NLGN1: variants seen among roughly 807,000 people sequenced by gnomAD.
The protein encoded by NLGN1 is neuroligin 1.
NLGN1 carries 12 observed loss-of-function variants against 65.5 expected under a neutral mutation model. That is an observed-to-expected ratio of 0.18 (90% CI 0.12 to 0.30). The LOEUF (loss-of-function observed/expected upper bound fraction) is 0.30. Among genes scored for constraint, NLGN1 ranks in the 10% least tolerant of loss-of-function variants. The pLI is 1.00. For synonymous variants in NLGN1, 350 were observed against 359.5 expected (o/e 0.97, Z 0.30); for missense variants, 750 against 1,007.1 (o/e 0.74, Z 3.46).
chr3:173,647,491 A>G (rs1455718857), intron 3 of NLGN1, among the ~76,000 whole-genome samples: 1 of 152,132 alleles, frequency 6.6e-6, no homozygotes, highest in African/African-American at 2.4e-5. Context: ...GTCATGCAAA[A>G]TGTGTTTTCT....
At chr3:173,742,331 T>C (rs1483107105) in intron 3 of NLGN1, among the ~76,000 whole-genome samples, 1 of 152,102 alleles carries the variant, frequency 6.6e-6, no homozygotes, top group Non-Finnish European at 1.5e-5. Context: ...TACTAGGTAA[T>C]AAATATGTAA....
At chr3:173,785,553 G>A (rs55842727) in intron 3 of NLGN1, among the ~76,000 whole-genome samples, 6,924 of 152,016 alleles carry the variant, frequency 0.046, 518 homozygotes, top group African/African-American at 0.16. Flanking sequence ...GTCAGTACTA[G>A]ATAAATTTTA....
intron 2 of NLGN1, among the ~76,000 whole-genome samples, chr3:173,508,908 C>G (rs1300493705): frequency 1.3e-5 from 2 of 152,158 alleles, no homozygotes; most frequent in Non-Finnish European, 2.9e-5. Flanking sequence ...AACCCCCTGA[C>G]TCCACTGCTC....
intron 3 of NLGN1, among the ~76,000 whole-genome samples, chr3:173,714,994 T>C (rs1769606604): frequency 6.6e-6 from 1 of 152,112 alleles, no homozygotes; most frequent in African/African-American, 2.4e-5. Flanking sequence ...AAAGAGCAGA[T>C]GGAAGGAGGC....
At chr3:174,268,279 T>C (rs1561434628) in intron 4 of NLGN1, among the ~76,000 whole-genome samples, 1 of 152,192 alleles carries the variant, frequency 6.6e-6, no homozygotes, top group East Asian at 1.9e-4. Context: ...CACAGGAACT[T>C]CGTGAACTTT....
intron 2 of NLGN1, among the ~76,000 whole-genome samples, chr3:173,443,299 G>A (rs958203349): frequency 1.1e-4 from 10 of 93,182 alleles, no homozygotes; most frequent in African/African-American, 3.3e-4. Flanking sequence ...TACTTTAATA[G>A]TATATATATT....
chr3:174,210,655 T>A lies in NLGN1; in HGVS notation c.647-64660T>A, dbSNP rs991814677. Among the ~76,000 whole-genome samples, 4 of 152,222 alleles carry A rather than the reference T, an allele frequency of 2.6e-5. No homozygotes were observed. In the East Asian group the frequency reaches 7.7e-4, roughly 29 times the overall value. ...TAGCTCCAAAGTCTTTCTACTGTTT[T>A]TCTTCTCCCTACCAGCTCTCACCTT... On this transcript the variant is annotated intron_variant, in intron 4 of 6. Coordinates refer to ENST00000457714, the Ensembl canonical transcript of NLGN1.
chr3:174,107,003 CACACACACACACACAGAG>C (rs1714001890), intron 4 of NLGN1, among the ~76,000 whole-genome samples: 1 of 117,000 alleles, frequency 8.5e-6, no homozygotes, highest in Non-Finnish European at 1.7e-5. Context: ...CACACACACA[CACACACACACACACAGAG>C]AGAGAGAGAG....
chr3:173,667,786 C>G (rs769237805), intron 3 of NLGN1, among the ~76,000 whole-genome samples: 2 of 152,178 alleles, frequency 1.3e-5, no homozygotes, highest in Non-Finnish European at 2.9e-5. Flanking sequence ...TGCACCACCA[C>G]GCCTGGCTCA....
intron 4 of NLGN1, among the ~76,000 whole-genome samples, chr3:174,090,521 C>G (rs74321051): frequency 0.033 from 4,960 of 151,964 alleles, 278 homozygotes; most frequent in African/African-American, 0.11. Context: ...GTTTATTGCT[C>G]CAGAAAGTCC....
chr3:174,200,243 C>T (rs1380523669), intron 4 of NLGN1, among the ~76,000 whole-genome samples: 2 of 152,138 alleles, frequency 1.3e-5, no homozygotes, highest in African/African-American at 4.8e-5. Context: ...AAGGTAACTG[C>T]TGTAAAGTTC....
At chr3:174,102,194 T>A (rs925642999) in intron 4 of NLGN1, among the ~76,000 whole-genome samples, 1 of 152,192 alleles carries the variant, frequency 6.6e-6, no homozygotes, top group Non-Finnish European at 1.5e-5. Context: ...TAGGTTGATA[T>A]GTAGTATAAA....
downstream of NLGN1, among the ~76,000 whole-genome samples, chr3:174,289,441 A>C (rs1243481757): frequency 2.0e-5 from 3 of 151,388 alleles, no homozygotes; most frequent in Non-Finnish European, 3.0e-5. Flanking sequence ...CACACACAGC[A>C]CAAAAGACAC....
At chr3:173,835,666 G>T (rs929548111) in intron 4 of NLGN1, among the ~76,000 whole-genome samples, 3 of 148,586 alleles carry the variant, frequency 2.0e-5, no homozygotes, top group Non-Finnish European at 4.5e-5. Context: ...ATAACATTTG[G>T]GTACAACAGG....
At chr3:173,982,913 A>G (rs889347833) in intron 4 of NLGN1, among the ~76,000 whole-genome samples, 1 of 152,186 alleles carries the variant, frequency 6.6e-6, no homozygotes, top group Non-Finnish European at 1.5e-5. Context: ...TAGAAAAGGT[A>G]CCAATCATTA....
intron 4 of NLGN1, among the ~76,000 whole-genome samples, chr3:174,020,259 A>G (rs113110997): frequency 2.6e-5 from 4 of 152,230 alleles, no homozygotes; most frequent in African/African-American, 4.8e-5. Context: ...TGTTTGAGGA[A>G]GCGAAATGAA....
intron 3 of NLGN1, among the ~76,000 whole-genome samples, chr3:173,642,013 GCTCTCT>G (rs138192749): frequency 8.2e-5 from 12 of 146,320 alleles, no homozygotes; most frequent in East Asian, 4.0e-4. Flanking sequence ...TCAGTGGACT[GCTCTCT>G]CTCTCTCTCT....
intron 2 of NLGN1, among the ~76,000 whole-genome samples, chr3:173,593,839 GCACTTCTTA>G (rs1225673177): frequency 6.6e-6 from 1 of 152,176 alleles, no homozygotes; most frequent in Non-Finnish European, 1.5e-5. Flanking sequence ...GAGATGAAAG[GCACTTCTTA>G]CATGTTGGCG....
chr3:173,723,006 C>T (rs552878651), intron 3 of NLGN1, among the ~76,000 whole-genome samples: 1 of 152,012 alleles, frequency 6.6e-6, no homozygotes, highest in East Asian at 1.9e-4. Flanking sequence ...AAACAGAGAC[C>T]TGAATGAGGT....
Sources: allele counts gnomAD v4.1 joint callset (sites outside exome capture counted in the v4.1 genomes callset), GRCh38; gene constraint gnomAD v4.1.1; transcripts MANE v1.5; gene names NCBI Gene and HGNC (gene_info 2026-07-23, HGNC 2026-07-21).